The following IL1RAPL2 variants were observed in gnomAD, a reference collection of about 807,000 sequenced individuals.
IL1RAPL2 encodes interleukin 1 receptor accessory protein like 2, also known as X-linked interleukin-1 receptor accessory protein-like 2.
In IL1RAPL2, 3 loss-of-function variants were observed where a neutral mutation model predicts 44.1. The ratio of observed to expected loss-of-function variants is 0.07; its 90% CI spans 0.03 to 0.18. IL1RAPL2 has a LOEUF of 0.18. IL1RAPL2 is among the 10% of genes least tolerant of loss of function. The pLI, the probability that IL1RAPL2 is intolerant of heterozygous loss-of-function variation, is 1.00. For synonymous variants in IL1RAPL2, 181 were observed against 178.8 expected (o/e 1.01, Z -0.10); for missense variants, 391 against 496.4 (o/e 0.79, Z 2.02).
intron 2 of IL1RAPL2, among the ~76,000 whole-genome samples, chrX:104,719,075 CA>C (rs1931631075): frequency 8.9e-6 from 1 of 112,035 alleles, no homozygotes; most frequent in East Asian, 2.8e-4. Context: ...AAAAGGTGAG[CA>C]AGAGCAGAGA....
intron 2 of IL1RAPL2, among the ~76,000 whole-genome samples, chrX:105,076,132 G>A (rs2032297591): frequency 9.0e-6 from 1 of 111,520 alleles, no homozygotes; most frequent in East Asian, 2.8e-4. Flanking sequence ...TAATTGTGAT[G>A]TTAGGGTGTC....
At chrX:105,183,127 C>T (rs1390491407) in intron 2 of IL1RAPL2, among the ~76,000 whole-genome samples, 2 of 111,209 alleles carry the variant, frequency 1.8e-5, no homozygotes, top group Non-Finnish European at 3.8e-5. Flanking sequence ...TGCACATGGG[C>T]ACAGATTGTG....
chrX:105,654,272 T>G (rs1049595233), intron 6 of IL1RAPL2, among the ~76,000 whole-genome samples: 1 of 110,588 alleles, frequency 9.0e-6, no homozygotes, highest in Non-Finnish European at 1.9e-5. Context: ...AAATTAGGTC[T>G]CCCTCTCCTC....
Position 105,651,029 on chromosome X carries a change from C to T in IL1RAPL2, c.773-66338C>T, listed in dbSNP as rs993519832. 5.4e-5 allele frequency among the ~76,000 whole-genome samples: 6 copies of T among 112,054 alleles called. 1 individual carries two copies. The highest frequency in any genetic ancestry group is 2.8e-4 in the East Asian group (1 of 3,577). On this transcript the variant is annotated intron_variant, in intron 6 of 10. Transcript: ENST00000372582. The stretch of plus-strand genomic sequence containing the variant: ...TTTAAAATATTCTTGGCCTTAGGAA[C>T]CTAGGCGGATATATGCTCTTTTTTA...
At chrX:105,080,301 A>G (rs777578517) in intron 2 of IL1RAPL2, among the ~76,000 whole-genome samples, 44 of 112,131 alleles carry the variant, frequency 3.9e-4, no homozygotes, top group Non-Finnish European at 7.1e-4. Context: ...GCCCATGCCA[A>G]TGTCCTGAAT....
chrX:105,622,285 AAT>A (rs2037424637), intron 6 of IL1RAPL2, among the ~76,000 whole-genome samples: 1 of 105,371 alleles, frequency 9.5e-6, no homozygotes, highest in Admixed American at 1.0e-4. Flanking sequence ...TAAAAATAAT[AAT>A]AATAATAATA....
intron 5 of IL1RAPL2, among the ~76,000 whole-genome samples, chrX:105,451,967 A>G (rs1569442893): frequency 9.0e-6 from 1 of 111,317 alleles, no homozygotes; most frequent in South Asian, 3.8e-4. Context: ...TATAATTACT[A>G]ATATAAATAT....
At chrX:104,670,382 G>A (rs1930571182) in intron 2 of IL1RAPL2, among the ~76,000 whole-genome samples, 1 of 111,444 alleles carries the variant, frequency 9.0e-6, no homozygotes, top group Non-Finnish European at 1.9e-5. Flanking sequence ...CACCTGCTTT[G>A]TTCTAGTTCT....
chrX:104,960,835 G>A (rs754482713), intron 2 of IL1RAPL2, among the ~76,000 whole-genome samples: 3 of 111,467 alleles, frequency 2.7e-5, no homozygotes, highest in Non-Finnish European at 3.8e-5. Flanking sequence ...GCCACTTTGC[G>A]TTGCATTCCC....
chrX:105,563,943 G>A (rs1467050304), intron 6 of IL1RAPL2, among the ~76,000 whole-genome samples: 2 of 111,788 alleles, frequency 1.8e-5, no homozygotes, highest in Admixed American at 1.9e-4. Flanking sequence ...GATTTGGGCT[G>A]CTATAACAGA....
intron 1 of IL1RAPL2, among the ~76,000 whole-genome samples, chrX:104,638,564 C>A (rs1167496146): frequency 1.8e-5 from 2 of 111,895 alleles, no homozygotes; most frequent in Non-Finnish European, 3.8e-5. Flanking sequence ...TTTCCATTTT[C>A]ATTTATTTCA....
chrX:104,797,405 A>G (rs1932857667), intron 2 of IL1RAPL2, among the ~76,000 whole-genome samples: 1 of 110,692 alleles, frequency 9.0e-6, no homozygotes, highest in Non-Finnish European at 1.9e-5. Flanking sequence ...GTTCTGGGCA[A>G]TACTAATCTC....
intron 5 of IL1RAPL2, among the ~76,000 whole-genome samples, chrX:105,482,327 A>G (rs1307562754): frequency 1.8e-5 from 2 of 111,997 alleles, no homozygotes; most frequent in African/African-American, 3.2e-5. Context: ...TCATGTTTCC[A>G]ATAATATTTA....
chrX:105,551,422 G>GA (rs2036854945), intron 6 of IL1RAPL2, among the ~76,000 whole-genome samples: 1 of 110,595 alleles, frequency 9.0e-6, no homozygotes, highest in African/African-American at 3.3e-5. Context: ...TGATAAGAAC[G>GA]ATTTTATTAA....
chrX:105,387,148 A>AT lies in IL1RAPL2; in HGVS notation c.698-97152dup, dbSNP rs568965890. ...TGTTACTCAAAATTCATGATAAAGA[A>AT]TTTTTTTTTTTTTGCTGCTCTTTTG... On this transcript the variant is annotated intron_variant, in intron 5 of 10. Transcript: ENST00000372582. Among the ~76,000 whole-genome samples the AT allele has an allele frequency of 1.4e-3, 148 of 102,769 alleles. 1 individual carries two copies. The highest frequency in any genetic ancestry group is 2.0e-3 in the African/African-American group (58 of 28,602). 89.2% of individuals were successfully genotyped at this position (102,769 alleles called of 115,157 possible). A position where few individuals can be genotyped will look rare whatever the true frequency, so the allele number is the denominator to read the frequency against.
intron 2 of IL1RAPL2, among the ~76,000 whole-genome samples, chrX:104,904,426 A>G (rs1285410284): frequency 3.0e-5 from 3 of 101,412 alleles, no homozygotes; most frequent in African/African-American, 1.1e-4. Context: ...AGCATTAGGT[A>G]TATCTCCCAA....
intron 5 of IL1RAPL2, among the ~76,000 whole-genome samples, chrX:105,356,865 A>G (rs2035207267): frequency 8.9e-6 from 1 of 111,994 alleles, no homozygotes; most frequent in South Asian, 3.7e-4. Flanking sequence ...AACTCAACAA[A>G]CCTTGGTAAT....
intron 6 of IL1RAPL2, among the ~76,000 whole-genome samples, chrX:105,534,442 TC>T (rs1569451406): frequency 9.0e-6 from 1 of 111,618 alleles, no homozygotes; most frequent in East Asian, 2.8e-4. Flanking sequence ...GATGGATACC[TC>T]ATTTTCTATG....
intron 5 of IL1RAPL2, among the ~76,000 whole-genome samples, chrX:105,383,921 C>G (rs1299380917): frequency 4.5e-5 from 5 of 111,465 alleles, no homozygotes; most frequent in African/African-American, 1.6e-4. Flanking sequence ...TGAAATATGT[C>G]TATTAGGATT....
Sources: allele counts gnomAD v4.1 joint callset (sites outside exome capture counted in the v4.1 genomes callset), GRCh38; gene constraint gnomAD v4.1.1; transcripts MANE v1.5; gene names NCBI Gene and HGNC (gene_info 2026-07-23, HGNC 2026-07-21).